Variants in CSMD1 observed in about 807,000 individuals in gnomAD.
CSMD1 encodes the protein CUB and sushi domain-containing protein 1.
A neutral mutation model predicts 417.5 loss-of-function variants in CSMD1; 213 were observed. The ratio of observed to expected loss-of-function variants is 0.51; its 90% CI spans 0.46 to 0.57. The LOEUF (loss-of-function observed/expected upper bound fraction) is 0.57. CSMD1 is among the 20% of genes least tolerant of loss of function. The pLI is 0.00. For synonymous variants in CSMD1, 2,862 were observed against 1,736.8 expected (o/e 1.65, Z -16.11); for missense variants, 6,923 against 4,529.7 (o/e 1.53, Z -15.17).
intron 7 of CSMD1, among the ~76,000 whole-genome samples, chr8:3,643,681 A>G (rs1318070205): frequency 1.5e-5 from 2 of 137,802 alleles, no homozygotes; most frequent in Non-Finnish European, 3.0e-5. Context: ...AGCCTGGGCG[A>G]CAGCGTGAGA....
At chr8:4,551,455 G>A (rs1024599602) in intron 2 of CSMD1, among the ~76,000 whole-genome samples, 8 of 152,006 alleles carry the variant, frequency 5.3e-5, no homozygotes, top group Non-Finnish European at 7.4e-5. Context: ...CATTCTTCAC[G>A]AAGGATTTGA....
chr8:3,291,015 T>A (rs556952001), intron 25 of CSMD1, among the ~76,000 whole-genome samples: 1 of 152,174 alleles, frequency 6.6e-6, no homozygotes, highest in Non-Finnish European at 1.5e-5. Flanking sequence ...ACCTAATTTT[T>A]TGAGAGTTTT....
intron 5 of CSMD1, among the ~76,000 whole-genome samples, chr8:3,789,265 G>C (rs577277369): frequency 6.6e-6 from 1 of 151,952 alleles, no homozygotes; most frequent in African/African-American, 2.4e-5. Flanking sequence ...GGACTTCCCA[G>C]CCTCCTGAAC....
At chr8:3,971,170 A>G (rs2627451) in intron 5 of CSMD1, among the ~76,000 whole-genome samples, 28,316 of 152,106 alleles carry the variant, frequency 0.19, 2,714 homozygotes, top group South Asian at 0.24. Context: ...TCCTGGCATG[A>G]TGGAGGGAAG....
At chr8:3,036,286 C>T (rs1037211144) in intron 50 of CSMD1, among the ~76,000 whole-genome samples, 1 of 152,140 alleles carries the variant, frequency 6.6e-6, no homozygotes, top group African/African-American at 2.4e-5. Flanking sequence ...AAATAAAGCC[C>T]TTTGCCCTTC....
intron 3 of CSMD1, among the ~76,000 whole-genome samples, chr8:4,110,282 A>T (rs1217720067): frequency 6.6e-6 from 1 of 152,186 alleles, no homozygotes; most frequent in Non-Finnish European, 1.5e-5. Context: ...TACTGTGAGA[A>T]GCAATTTTAA....
chr8:4,575,554 ACT>A (rs1563301158), intron 2 of CSMD1, among the ~76,000 whole-genome samples: 1 of 152,128 alleles, frequency 6.6e-6, no homozygotes, highest in Non-Finnish European at 1.5e-5. Flanking sequence ...TGGCCATCAA[ACT>A]CACTTTGAGA....
At chr8:4,857,992 G>T (rs1358160869) in intron 1 of CSMD1, among the ~76,000 whole-genome samples, 1 of 152,152 alleles carries the variant, frequency 6.6e-6, no homozygotes, top group African/African-American at 2.4e-5. Flanking sequence ...TATCTTTGAT[G>T]AACATTGACG....
At chr8:4,971,304 C>G (rs1245931209) in intron 1 of CSMD1, among the ~76,000 whole-genome samples, 1 of 152,060 alleles carries the variant, frequency 6.6e-6, no homozygotes, top group African/African-American at 2.4e-5. Context: ...TCTACACATT[C>G]ATGCTTAAAT....
chr8:4,748,899 T>C (rs1413646442), intron 1 of CSMD1, among the ~76,000 whole-genome samples: 1 of 152,260 alleles, frequency 6.6e-6, no homozygotes, highest in African/African-American at 2.4e-5. Context: ...GTCCTGTTAC[T>C]CTGAAGGTTC....
chr8:3,659,581 T>C (rs1798307168), intron 7 of CSMD1, among the ~76,000 whole-genome samples: 1 of 152,196 alleles, frequency 6.6e-6, no homozygotes, highest in South Asian at 2.1e-4. Context: ...GCAAAAATGA[T>C]TCAACTGTGA....
At chr8:4,440,162 T>C (rs1798385238) in intron 2 of CSMD1, among the ~76,000 whole-genome samples, 1 of 152,174 alleles carries the variant, frequency 6.6e-6, no homozygotes, top group Non-Finnish European at 1.5e-5. Context: ...ATTTGGACGT[T>C]TCTTTCTAGA....
intron 2 of CSMD1, among the ~76,000 whole-genome samples, chr8:4,541,379 G>C (rs1262199263): frequency 2.0e-5 from 3 of 152,180 alleles, no homozygotes; most frequent in East Asian, 1.9e-4. Context: ...TGTTTTTATA[G>C]TTTTGCTTAT....
intron 7 of CSMD1, among the ~76,000 whole-genome samples, chr8:3,646,981 A>C (rs1489134033): frequency 6.6e-6 from 1 of 152,204 alleles, no homozygotes; most frequent in East Asian, 1.9e-4. Context: ...TCCCAAATTC[A>C]AGGGCCAGAT....
intron 3 of CSMD1, among the ~76,000 whole-genome samples, chr8:4,036,265 C>G (rs954949373): frequency 6.6e-6 from 1 of 152,176 alleles, no homozygotes; most frequent in Non-Finnish European, 1.5e-5. Flanking sequence ...CTGCATGTAA[C>G]ATATCTCAAG....
intron 43 of CSMD1, among the ~76,000 whole-genome samples, chr8:3,109,686 T>C (rs945135751): frequency 1.3e-5 from 2 of 152,010 alleles, no homozygotes; most frequent in Non-Finnish European, 2.9e-5. Context: ...CCCTGGCTGC[T>C]GGCTTCTGCT....
At chr8:3,434,800 C>A (rs557386403) in intron 12 of CSMD1, among the ~76,000 whole-genome samples, 1 of 152,290 alleles carries the variant, frequency 6.6e-6, no homozygotes, top group African/African-American at 2.4e-5. Context: ...GTTCCTTACA[C>A]TTCTCGCCTA....
chr8:4,533,091 A>C (rs562419160), intron 2 of CSMD1, among the ~76,000 whole-genome samples: 1 of 152,338 alleles, frequency 6.6e-6, no homozygotes, highest in East Asian at 1.9e-4. Context: ...TTTTGGTTCT[A>C]GATACATCAT....
intron 1 of CSMD1, among the ~76,000 whole-genome samples, chr8:4,665,606 T>C: frequency 6.6e-6 from 1 of 152,190 alleles, no homozygotes; most frequent in East Asian, 1.9e-4. Context: ...AATAGAATCA[T>C]ACAGTGTGCA....
Sources: gnomAD v4.1 joint callset for allele counts (sites outside exome capture counted in the v4.1 genomes callset) on GRCh38, gnomAD v4.1.1 for gene constraint, MANE v1.5 for transcripts, NCBI Gene and HGNC (gene_info 2026-07-23, HGNC 2026-07-21) for gene names.